Variants in LDB2 observed in about 807,000 individuals in gnomAD.
LDB2 encodes the protein LIM domain binding 2.
In LDB2, 12 loss-of-function variants were observed where a neutral mutation model predicts 44.3. That is an observed-to-expected ratio of 0.27 (90% CI 0.17 to 0.44). LDB2 has a LOEUF of 0.44. Among genes scored for constraint, LDB2 ranks in the 20% least tolerant of loss-of-function variants. LDB2 has a pLI of 1.00. For synonymous variants in LDB2, 164 were observed against 174.8 expected, an observed-to-expected ratio of 0.94 and a Z score of 0.49; for missense variants, 344 against 473.5, an observed-to-expected ratio of 0.73 and a Z score of 2.54.
chr4:16,793,394 T>G (rs1579719121), intron 1 of LDB2, among the ~76,000 whole-genome samples: 1 of 152,132 alleles, frequency 6.6e-6, no homozygotes, highest in Non-Finnish European at 1.5e-5. Context: ...AGGTGGTATT[T>G]TGTGCTTAAT....
chr4:16,509,420 T>C (rs910304049), intron 6 of LDB2, among the ~76,000 whole-genome samples: 1 of 152,122 alleles, frequency 6.6e-6, no homozygotes, highest in Admixed American at 6.6e-5. Context: ...GAAAGGCCTA[T>C]TCAGAAACAG....
chr4:16,618,638 G>A (rs1158554508), intron 2 of LDB2, among the ~76,000 whole-genome samples: 1 of 152,206 alleles, frequency 6.6e-6, no homozygotes, highest in Non-Finnish European at 1.5e-5. Context: ...CTGTTCAACA[G>A]AGAGGACAGT....
intron 2 of LDB2, among the ~76,000 whole-genome samples, chr4:16,660,276 T>C (rs1741193249): frequency 6.6e-6 from 1 of 152,172 alleles, no homozygotes; most frequent in Non-Finnish European, 1.5e-5. Flanking sequence ...GCACAGAATT[T>C]GGGAAGGCTG....
chr4:16,670,342 C>T (rs536356546), intron 2 of LDB2, among the ~76,000 whole-genome samples: 35 of 152,288 alleles, frequency 2.3e-4, no homozygotes, highest in African/African-American at 7.2e-4. Context: ...CTTCTGAAGA[C>T]GTCTCTTTCC....
chr4:16,754,079 A>C (rs1431665582), intron 2 of LDB2, among the ~76,000 whole-genome samples: 1 of 152,138 alleles, frequency 6.6e-6, no homozygotes, highest in African/African-American at 2.4e-5. Flanking sequence ...TAGTTACACT[A>C]TTTCCCCACT....
intron 5 of LDB2, among the ~76,000 whole-genome samples, chr4:16,521,721 A>G (rs2152275845): frequency 6.6e-6 from 1 of 152,260 alleles, no homozygotes; most frequent in East Asian, 1.9e-4. Context: ...TTCTAGCCCC[A>G]GGAGTGGCAA....
intron 1 of LDB2, among the ~76,000 whole-genome samples, chr4:16,766,019 G>T (rs1467958803): frequency 6.6e-6 from 1 of 152,092 alleles, no homozygotes; most frequent in Non-Finnish European, 1.5e-5. Flanking sequence ...GAACAAAAGA[G>T]AATATGATGA....
At chr4:16,742,220 T>A (rs1185116380) in intron 2 of LDB2, among the ~76,000 whole-genome samples, 1 of 151,994 alleles carries the variant, frequency 6.6e-6, no homozygotes, top group Non-Finnish European at 1.5e-5. Context: ...TACAGCCATG[T>A]GCCACCACAC....
intron 7 of LDB2, chr4:16,506,407 A>G (rs567769349): frequency 8.6e-4 from 140 of 162,212 alleles, no homozygotes; most frequent in South Asian, 3.9e-3. Flanking sequence ...CACAAAATGC[A>G]AAGGGTCTCT....
chr4:16,539,010 A>C (rs1320336501), intron 5 of LDB2, among the ~76,000 whole-genome samples: 1 of 152,192 alleles, frequency 6.6e-6, no homozygotes, highest in African/African-American at 2.4e-5. Flanking sequence ...ACCAAAAGTA[A>C]GACTCAGTCC....
At chr4:16,525,668 C>A (rs1365466344) in intron 5 of LDB2, among the ~76,000 whole-genome samples, 7 of 152,156 alleles carry the variant, frequency 4.6e-5, no homozygotes, top group African/African-American at 1.7e-4. Flanking sequence ...AAAAGAAAAT[C>A]ACTGCTCTTA....
intron 2 of LDB2, among the ~76,000 whole-genome samples, chr4:16,697,487 C>T (rs1046975909): frequency 6.6e-6 from 1 of 151,848 alleles, no homozygotes; most frequent in African/African-American, 2.4e-5. Flanking sequence ...TCTCCTAAGG[C>T]TCCCTGTGAA....
At chr4:16,507,542 A>G (rs1349248142) in intron 7 of LDB2, among the ~76,000 whole-genome samples, 1 of 152,166 alleles carries the variant, frequency 6.6e-6, no homozygotes, top group Admixed American at 6.6e-5. Context: ...TGAGGGGGAA[A>G]AACGTGGGAA....
At chr4:16,793,262 T>C (rs1776127582) in intron 1 of LDB2, among the ~76,000 whole-genome samples, 1 of 152,188 alleles carries the variant, frequency 6.6e-6, no homozygotes, top group Non-Finnish European at 1.5e-5. Context: ...GGAGATTATA[T>C]GCAGCTCCTG....
chr4:16,762,802 G>T (rs1017235679), intron 1 of LDB2, among the ~76,000 whole-genome samples: 33 of 152,226 alleles, frequency 2.2e-4, no homozygotes, highest in Admixed American at 2.0e-3. Flanking sequence ...AGGCAAAAAA[G>T]TCAATAGAAA....
intron 1 of LDB2, among the ~76,000 whole-genome samples, chr4:16,872,326 T>G (rs1050309034): frequency 3.3e-5 from 5 of 152,106 alleles, no homozygotes; most frequent in Admixed American, 3.3e-4. Context: ...TATTTTTTAT[T>G]TTTTATCTTT....
intron 1 of LDB2, among the ~76,000 whole-genome samples, chr4:16,879,487 G>A (rs1719427919): frequency 6.6e-6 from 1 of 152,198 alleles, no homozygotes; most frequent in Non-Finnish European, 1.5e-5. Context: ...TCTATAGAAG[G>A]CTTGAATAGA....
chr4:16,894,662 C>T (rs1313725510), intron 1 of LDB2, among the ~76,000 whole-genome samples: 1 of 152,088 alleles, frequency 6.6e-6, no homozygotes, highest in Non-Finnish European at 1.5e-5. Context: ...AGCAGAGGCG[C>T]AAAGCTGCTT....
intron 1 of LDB2, among the ~76,000 whole-genome samples, chr4:16,794,881 T>G (rs1776421492): frequency 6.6e-6 from 1 of 152,168 alleles, no homozygotes; most frequent in Admixed American, 6.6e-5. Flanking sequence ...CTGAGTTCAT[T>G]CCCACATACA....
Sources: gnomAD v4.1 joint callset for allele counts (sites outside exome capture counted in the v4.1 genomes callset) on GRCh38, gnomAD v4.1.1 for gene constraint, MANE v1.5 for transcripts, NCBI Gene and HGNC (gene_info 2026-07-23, HGNC 2026-07-21) for gene names.